GBP3: variants seen among roughly 807,000 people sequenced by gnomAD.
The protein encoded by GBP3 is guanylate binding protein 3.
GBP3 carries 55 observed loss-of-function variants against 62.4 expected under a neutral mutation model. That is an observed-to-expected ratio of 0.88 (90% CI 0.71 to 1.10). The LOEUF (loss-of-function observed/expected upper bound fraction) is 1.10. Ranked by LOEUF, GBP3 falls within the 50% of genes least tolerant of loss-of-function variation. The pLI, the probability that GBP3 is intolerant of heterozygous loss-of-function variation, is 0.00. For synonymous variants in GBP3, 208 were observed against 259.2 expected (o/e 0.80, Z 1.90); for missense variants, 605 against 690.6 (o/e 0.88, Z 1.39).
chr1:89,019,146 G>A (rs377187128), intron 2 of GBP3, among the ~76,000 whole-genome samples: 6 of 152,264 alleles, frequency 3.9e-5, no homozygotes, highest in African/African-American at 1.4e-4. Flanking sequence ...GCAGGGACTC[G>A]AACAGATATT....
intron 1 of GBP3, among the ~76,000 whole-genome samples, chr1:89,021,096 T>C (rs938294346): frequency 1.3e-5 from 2 of 152,204 alleles, no homozygotes; most frequent in Non-Finnish European, 2.9e-5. Flanking sequence ...AAATTAAATA[T>C]TGATTTGTTT....
chr1:89,019,876 T>G (rs1312840988), intron 2 of GBP3, among the ~76,000 whole-genome samples: 2 of 152,206 alleles, frequency 1.3e-5, no homozygotes, highest in Non-Finnish European at 2.9e-5. Context: ...AACTACATAC[T>G]TAATAATGGT....
chr1:89,011,218 C>T, intron 7 of GBP3, 102 bp from the exon 8 acceptor site: 1 of 1,350,308 alleles, frequency 7.4e-7, no homozygotes, highest in Admixed American at 1.9e-5. Flanking sequence ...GTCAATGATG[C>T]CGGAGAAACT....
chr1:89,013,064 CT>C (rs1409986048), intron 6 of GBP3, 120 bp downstream of exon 6: 9 of 1,110,032 alleles, frequency 8.1e-6, no homozygotes, highest in African/African-American at 1.5e-5. Flanking sequence ...TCTCAAACTC[CT>C]GGCCTCAAGT....
In GBP3 at chr1:89,014,127, A is replaced by G; in HGVS notation, c.581T>C (p.Leu194Pro). 2 of 1,614,172 alleles carry G rather than the reference A, an allele frequency of 1.2e-6. No individual in the cohort carries two copies. The highest frequency in any genetic ancestry group is 1.7e-6 in the Non-Finnish European group (2 of 1,180,016). ...ATACTCCAGGTACTCATCTGGTGTG[A>G]GGGGTTGTCCATCTGCTTCCAAGTC... ...SLDLEADGQP[L>P]TPDEYLEYSL... is the part of the protein sequence containing the mutation. Residue 194 changes from leucine (L) to proline (P), a missense_variant, in exon 5 of 11, where the codon CTC (leucine) becomes CCC (proline). Physicochemically the swap from Leu to Pro is moderately conservative, Grantham distance 98. This residue lies in a region of GBP3 where 308 missense variants were observed against 318.0 expected (regional missense o/e 0.97). Coordinates refer to ENST00000370481, the MANE Select transcript of GBP3 (RefSeq NM_018284.3).
intron 3 of GBP3, 31 bp from the exon 4 acceptor site, chr1:89,014,687 C>T (rs776581596): frequency 1.9e-6 from 3 of 1,613,350 alleles, no homozygotes; most frequent in Non-Finnish European, 1.7e-6. Flanking sequence ...GAGTCAGGAG[C>T]AAGTTTCATC....
At position 89,010,944 on chromosome 1, in the gene GBP3, A is replaced by G. The variant is rs1392678601; in HGVS notation, c.1322T>C (p.Leu441Pro). 2.1e-6 allele frequency: 3 copies of G among 1,461,486 alleles called. No homozygotes were observed. The highest frequency in any genetic ancestry group is 2.3e-5 in the East Asian group (1 of 43,188). 90.5% of individuals were successfully genotyped at this position (1,461,486 alleles called of 1,614,324 possible). The change falls in exon 8 of 11, where the codon CTG becomes CCG. Residue 441 changes from leucine to proline, a missense_variant. Leu to Pro is a moderately conservative substitution (Grantham distance 98). Coordinates refer to ENST00000370481, the MANE Select transcript of GBP3 (RefSeq NM_018284.3). ...TGGTTCCTCATAGTACTTTTTCTCC[A>G]GGTCTTGTAGCTTCTGAATAAAGAG... ...YCLFIQKLQD[L>P]EKKYYEEPRK...
chr1:89,017,548 G>A (rs1441046468), intron 2 of GBP3, among the ~76,000 whole-genome samples: 4 of 152,158 alleles, frequency 2.6e-5, no homozygotes, highest in Non-Finnish European at 5.9e-5. Context: ...TGGAATGGAA[G>A]AAAACATTTG....
chr1:89,007,949 T>G (rs970734490), intron 10 of GBP3, 97 bp from the exon 11 acceptor site: 2 of 1,146,420 alleles, frequency 1.7e-6, no homozygotes, highest in African/African-American at 3.2e-5. Context: ...TAGTACTTAG[T>G]TTTTTTCTTG....
rs1679128982 is a variant in GBP3 at position 89,020,535 on chromosome 1, T to C, written c.187A>G (p.Lys63Glu). 1.2e-6 allele frequency: 2 copies of C among 1,614,056 alleles called. No individual in the cohort carries two copies. Among genetic ancestry groups the C allele is most frequent in the South Asian group, 2.2e-5 (2 of 91,094 alleles). The change falls in exon 2 of 11, where the codon AAG becomes GAG. Residue 63 changes from lysine to glutamate, a missense_variant. This residue lies in a region of GBP3 where 308 missense variants were observed against 318.0 expected (regional missense o/e 0.97). Transcript: ENST00000370481. ...YLMNKLAGKNKGFSLGSTVKS... is the reference protein window; with the variant it reads ...YLMNKLAGKNEGFSLGSTVKS... The stretch of plus-strand genomic sequence containing the variant: ...GAGCTTTGCTCATGCCACTCACCCT[T>C]ATTCTTCCCAGCTAGCTTGTTCATC...
At chr1:89,020,333 C>T in intron 2 of GBP3, 199 bp downstream of exon 2, 1 of 639,580 alleles carries the variant, frequency 1.6e-6, no homozygotes, top group Non-Finnish European at 2.8e-6. Context: ...GGTGAACAGT[C>T]AATTGAGATA....
chr1:89,017,668 A>T (rs1413782495), intron 2 of GBP3, among the ~76,000 whole-genome samples: 1 of 152,240 alleles, frequency 6.6e-6, no homozygotes, highest in Admixed American at 6.5e-5. Context: ...ACATTTCTCT[A>T]AAGAATGGCC....
intron 2 of GBP3, among the ~76,000 whole-genome samples, chr1:89,018,952 C>T (rs930804902): frequency 3.3e-5 from 5 of 152,120 alleles, no homozygotes; most frequent in Non-Finnish European, 5.9e-5. Context: ...GGCCAGATCC[C>T]GCAATAAATA....
At position 89,012,206 on chromosome 1, in the gene GBP3, G is replaced by GT. The variant is rs960307716; in HGVS notation, c.869-180dup. On this transcript the variant is annotated intron_variant, in intron 6 of 10. Coordinates refer to ENST00000370481, the MANE Select transcript of GBP3 (RefSeq NM_018284.3). ...TCTGTCCCAGATCTACTGAATTAGAGTTTTTTCTTTGGGTAAGATCCCTAG... is the reference window on the plus strand; with the variant it reads ...TCTGTCCCAGATCTACTGAATTAGAGTTTTTTTCTTTGGGTAAGATCCCTAG... 7.9e-5 allele frequency among the ~76,000 whole-genome samples: 11 copies of GT among 139,022 alleles called. No homozygotes were observed. In the East Asian group the frequency reaches 1.7e-3, roughly 21 times the overall value. The allele number at this position is 139,022 out of a possible 152,430, so 91.2% of individuals were successfully genotyped here. A position where few individuals can be genotyped will look rare whatever the true frequency, so the allele number is the denominator to read the frequency against.
chr1:89,021,298 A>G (rs961540121), intron 1 of GBP3, among the ~76,000 whole-genome samples: 1 of 152,166 alleles, frequency 6.6e-6, no homozygotes, highest in African/African-American at 2.4e-5. Flanking sequence ...GAACCAATGT[A>G]ACATACTTTT....
intron 2 of GBP3, among the ~76,000 whole-genome samples, chr1:89,016,159 A>G (rs914252739): frequency 3.3e-5 from 5 of 152,238 alleles, no homozygotes; most frequent in Admixed American, 2.6e-4. Flanking sequence ...ACAATCCACA[A>G]AGGAAATTTT....
intron 2 of GBP3, among the ~76,000 whole-genome samples, chr1:89,017,586 T>C (rs531963613): frequency 6.6e-6 from 1 of 152,358 alleles, no homozygotes; most frequent in South Asian, 2.1e-4. Flanking sequence ...AAGGAATTGA[T>C]GTCTAGCAAA....
chr1:89,018,061 A>G (rs1441760329), intron 2 of GBP3, among the ~76,000 whole-genome samples: 1 of 151,672 alleles, frequency 6.6e-6, no homozygotes, highest in African/African-American at 2.4e-5. Context: ...CCTGGGTGAC[A>G]GAGTGAGACT....
intron 3 of GBP3, 138 bp from the exon 4 acceptor site, chr1:89,014,794 C>T (rs567349005): frequency 3.8e-6 from 4 of 1,049,656 alleles, no homozygotes; most frequent in African/African-American, 3.2e-5. Context: ...CAAATCCAAA[C>T]AAAATGATTG....
Sources: gnomAD v4.1 joint callset for allele counts (sites outside exome capture counted in the v4.1 genomes callset) on GRCh38, gnomAD v4.1.1 for gene constraint, gnomAD v4.1.1 regional missense constraint, MANE v1.5 for transcripts, NCBI Gene and HGNC (gene_info 2026-07-23, HGNC 2026-07-21) for gene names.